TAFA1: variants seen among roughly 807,000 people sequenced by gnomAD.
The protein encoded by TAFA1 is TAFA chemokine like family member 1, also known as chemokine-like protein TAFA-1.
Under a neutral mutation model 18.5 loss-of-function variants are expected in TAFA1, and 4 were observed. The observed-to-expected ratio is 0.22, with a 90% CI of 0.11 to 0.49. TAFA1 has a LOEUF of 0.49. Ranked by LOEUF, TAFA1 falls within the 20% of genes least tolerant of loss-of-function variation. The probability of loss-of-function intolerance (pLI) is 0.98; values close to 1 mark genes in which losing one functional copy is unlikely to be tolerated. For synonymous variants in TAFA1, 56 were observed against 55.2 expected, an observed-to-expected ratio of 1.01 and a Z score of -0.06; for missense variants, 147 against 169.0, an observed-to-expected ratio of 0.87 and a Z score of 0.72.
intron 2 of TAFA1, among the ~76,000 whole-genome samples, chr3:68,035,243 T>C (rs1705021116): frequency 6.6e-6 from 1 of 152,202 alleles, no homozygotes. Context: ...GCTCAATGAC[T>C]GCTGTTTCTC....
intron 2 of TAFA1, among the ~76,000 whole-genome samples, chr3:68,038,502 GA>G (rs1322312523): frequency 6.6e-6 from 1 of 152,098 alleles, no homozygotes; most frequent in African/African-American, 2.4e-5. Flanking sequence ...GCTCACAGCT[GA>G]ATCCATAGTA....
intron 3 of TAFA1, among the ~76,000 whole-genome samples, chr3:68,420,068 A>G (rs2070924957): frequency 6.6e-6 from 1 of 152,126 alleles, no homozygotes; most frequent in Non-Finnish European, 1.5e-5. Context: ...CTCTCTCAGC[A>G]TGATTGTATT....
the TAFA1 span, among the ~76,000 whole-genome samples, chr3:67,991,995 A>G: frequency 6.6e-6 from 1 of 152,162 alleles, no homozygotes; most frequent in East Asian, 1.9e-4. Flanking sequence ...TTCTAAGCAC[A>G]TGGTAGCATT....
At chr3:68,535,195 T>C (rs2073257492) in intron 3 of TAFA1, among the ~76,000 whole-genome samples, 1 of 152,170 alleles carries the variant, frequency 6.6e-6, no homozygotes, top group African/African-American at 2.4e-5. Context: ...CAAACCTTGA[T>C]TTGTGTCTTA....
chr3:68,370,452 A>G (rs1161331743), intron 2 of TAFA1, among the ~76,000 whole-genome samples: 11 of 27,274 alleles, frequency 4.0e-4, no homozygotes, highest in Admixed American at 5.2e-4. Context: ...ATATGTATAT[A>G]TATGTGTGTG....
At chr3:68,514,546 G>C (rs2106736482) in intron 3 of TAFA1, among the ~76,000 whole-genome samples, 1 of 152,198 alleles carries the variant, frequency 6.6e-6, no homozygotes, top group African/African-American at 2.4e-5. Context: ...TTCTGGCCAT[G>C]AAATATAAGG....
At chr3:68,271,542 C>A (rs1445001982) in intron 2 of TAFA1, among the ~76,000 whole-genome samples, 2 of 151,986 alleles carry the variant, frequency 1.3e-5, no homozygotes, top group Admixed American at 1.3e-4. Flanking sequence ...TTCTAAGAAC[C>A]CAAAGGGAGT....
chr3:68,481,719 T>C (rs1182759422), intron 3 of TAFA1, among the ~76,000 whole-genome samples: 2 of 152,222 alleles, frequency 1.3e-5, no homozygotes, highest in Non-Finnish European at 2.9e-5. Flanking sequence ...CATATATCAA[T>C]ATGTCGTAGC....
chr3:68,290,782 T>C (rs1204329476), intron 2 of TAFA1, among the ~76,000 whole-genome samples: 2 of 152,200 alleles, frequency 1.3e-5, no homozygotes, highest in African/African-American at 4.8e-5. Flanking sequence ...GTTTAACTAT[T>C]AATTTATAAC....
intron 2 of TAFA1, among the ~76,000 whole-genome samples, chr3:68,218,566 G>C (rs2066690873): frequency 6.6e-6 from 1 of 151,964 alleles, no homozygotes; most frequent in South Asian, 2.1e-4. Flanking sequence ...GGTCCTACAG[G>C]TATCCAGTCT....
At chr3:68,159,805 G>A (rs1312949625) in intron 2 of TAFA1, among the ~76,000 whole-genome samples, 2 of 152,118 alleles carry the variant, frequency 1.3e-5, no homozygotes, top group African/African-American at 4.8e-5. Flanking sequence ...CAGTAGATAA[G>A]GCACCAAACT....
intron 2 of TAFA1, among the ~76,000 whole-genome samples, chr3:68,323,983 C>A (rs988675004): frequency 2.0e-5 from 3 of 152,142 alleles, no homozygotes; most frequent in African/African-American, 7.2e-5. Context: ...TTTCTTTCTT[C>A]ATTCTCCGTA....
At chr3:68,355,195 A>C (rs189706156) in intron 2 of TAFA1, among the ~76,000 whole-genome samples, 1 of 151,972 alleles carries the variant, frequency 6.6e-6, no homozygotes, top group Admixed American at 6.6e-5. Flanking sequence ...ACCCTCTCTT[A>C]CTGAGGGTAA....
chr3:68,299,701 A>G (rs2068270840), intron 2 of TAFA1, among the ~76,000 whole-genome samples: 1 of 152,194 alleles, frequency 6.6e-6, no homozygotes, highest in South Asian at 2.1e-4. Flanking sequence ...GGAGGAAAAA[A>G]TACTTCTGTG....
At chr3:68,464,480 C>T (rs563871278) in intron 3 of TAFA1, among the ~76,000 whole-genome samples, 1 of 152,176 alleles carries the variant, frequency 6.6e-6, no homozygotes, top group South Asian at 2.1e-4. Context: ...ACAGCAGGTT[C>T]AGAATCTCCA....
At chr3:68,166,041 T>C (rs1187589134) in intron 2 of TAFA1, among the ~76,000 whole-genome samples, 1 of 152,130 alleles carries the variant, frequency 6.6e-6, no homozygotes, top group Non-Finnish European at 1.5e-5. Context: ...GTGATGTGAG[T>C]AGACATAGCA....
At chr3:68,076,259 G>A (rs2064822206) in intron 2 of TAFA1, among the ~76,000 whole-genome samples, 1 of 150,276 alleles carries the variant, frequency 6.7e-6, no homozygotes, top group Non-Finnish European at 1.5e-5. Context: ...AGCCATAAGG[G>A]GTTTTTCCAT....
intron 2 of TAFA1, among the ~76,000 whole-genome samples, chr3:68,398,899 T>C (rs1413493464): frequency 6.6e-6 from 1 of 152,208 alleles, no homozygotes; most frequent in African/African-American, 2.4e-5. Flanking sequence ...GGAATAAGTT[T>C]ATATTCTAAA....
intron 3 of TAFA1, among the ~76,000 whole-genome samples, chr3:68,431,248 A>G (rs1050621025): frequency 6.6e-6 from 1 of 152,032 alleles, no homozygotes; most frequent in Non-Finnish European, 1.5e-5. Context: ...TTCTCACATT[A>G]CCAAGTCCTG....
Sources: allele counts gnomAD v4.1 joint callset (sites outside exome capture counted in the v4.1 genomes callset), GRCh38; gene constraint gnomAD v4.1.1; transcripts MANE v1.5; gene names NCBI Gene and HGNC (gene_info 2026-07-23, HGNC 2026-07-21).